Variants in HAUS2 observed in about 807,000 individuals in gnomAD.
HAUS2 encodes the protein HAUS augmin-like complex subunit 2.
HAUS2 carries 20 observed loss-of-function variants against 21.6 expected under a neutral mutation model. The observed-to-expected ratio is 0.93, with a 90% CI of 0.65 to 1.35. The LOEUF (loss-of-function observed/expected upper bound fraction) is 1.35, where lower values mean the gene tolerates loss of function less well. Ranked by LOEUF, HAUS2 falls within the 40% of genes most tolerant of loss-of-function variation. The pLI is 0.00. For missense variants in HAUS2, 297 were observed against 280.7 expected (o/e 1.06, Z -0.42); for synonymous variants, 113 against 95.6 (o/e 1.18, Z -1.06).
intron 1 of HAUS2, among the ~76,000 whole-genome samples, chr15:42,550,891 T>A (rs2141589136): frequency 6.6e-6 from 1 of 152,116 alleles, no homozygotes; most frequent in African/African-American, 2.4e-5. Flanking sequence ...ATGGTCTCGA[T>A]CTCCTGACCT....
chr15:42,553,286 A>G (rs2057743107), intron 1 of HAUS2, among the ~76,000 whole-genome samples: 1 of 152,086 alleles, frequency 6.6e-6, no homozygotes, highest in Non-Finnish European at 1.5e-5. Flanking sequence ...TATTAAGTAT[A>G]AAGGTTCTGG....
intron 5 of HAUS2, among the ~76,000 whole-genome samples, chr15:42,565,706 C>G (rs1181636321): frequency 6.6e-6 from 1 of 151,970 alleles, no homozygotes; most frequent in Admixed American, 6.6e-5. Flanking sequence ...GGCAGAGAAA[C>G]CAAAGGCAGA....
intron 4 of HAUS2, among the ~76,000 whole-genome samples, chr15:42,562,289 T>G (rs1274341815): frequency 6.6e-6 from 1 of 152,158 alleles, no homozygotes; most frequent in African/African-American, 2.4e-5. Context: ...ATACAAAAAC[T>G]TATTCTTCCA....
chr15:42,550,889 G>C (rs527637460), intron 1 of HAUS2, among the ~76,000 whole-genome samples: 3 of 151,926 alleles, frequency 2.0e-5, no homozygotes, highest in Admixed American at 1.3e-4. Flanking sequence ...GGATGGTCTC[G>C]ATCTCCTGAC....
chr15:42,552,816 C>T (rs1319843159), intron 1 of HAUS2, among the ~76,000 whole-genome samples: 1 of 152,108 alleles, frequency 6.6e-6, no homozygotes, highest in Non-Finnish European at 1.5e-5. Flanking sequence ...TCCTCTATAC[C>T]TCTTCTCCCA....
rs769888858 is a variant in HAUS2, at chr15:42,548,884, C to A, written c.12C>A (p.Ala4=). The change falls in exon 1 of 6, where the codon GCC becomes GCA. Residue 4 remains alanine, a synonymous_variant. Coordinates refer to ENST00000260372, the MANE Select transcript of HAUS2 (RefSeq NM_018097.3). MAA[A]NPWDPASAPN... Reference sequence around the variant, plus strand: ...GGTGCGTCCGAGCCATGGCCGCTGCCAACCCGTGGGACCCGGCGTCCGCGC... The same window carrying A: ...GGTGCGTCCGAGCCATGGCCGCTGCAAACCCGTGGGACCCGGCGTCCGCGC... 6.5e-7 allele frequency: 1 copy of A among 1,550,048 alleles called. No homozygotes were observed. The highest frequency in any genetic ancestry group is 2.4e-5 in the East Asian group (1 of 40,994).
intron 1 of HAUS2, among the ~76,000 whole-genome samples, chr15:42,556,668 T>C (rs1202869794): frequency 6.6e-6 from 1 of 152,126 alleles, no homozygotes; most frequent in Non-Finnish European, 1.5e-5. Context: ...GCTGCATTTA[T>C]TTCATGGACT....
Position 42,558,310 on chromosome 15 carries a change from C to CTTTAT in HAUS2, c.186+23_186+24insATTTT. 1 of 590,184 alleles carries CTTTAT rather than the reference C, an allele frequency of 1.7e-6. No homozygotes were observed. The highest frequency in any genetic ancestry group is 2.8e-6 in the Non-Finnish European group (1 of 356,076). The allele number at this position is 590,184 out of a possible 1,614,324, so 36.6% of individuals were successfully genotyped here. ...TACCAGGTAAATCATTTTGTTTTCA[C>CTTTAT]TTTCTTTTTTTTTTTTTTTTTTTTT... On this transcript the variant is annotated intron_variant, in intron 2 of 5. Coordinates refer to ENST00000260372, the MANE Select transcript of HAUS2 (RefSeq NM_018097.3).
At chr15:42,552,985 AT>A (rs34872260) in intron 1 of HAUS2, among the ~76,000 whole-genome samples, 21,437 of 136,960 alleles carry the variant, frequency 0.16, 1,518 homozygotes, top group African/African-American at 0.22. Context: ...TGTTACCAGG[AT>A]TTTTTTTTTT....
rs10710908 is a variant in HAUS2 at position 42,568,015 on chromosome 15, TAAAA to T, written c.*1212_*1215del. 2.1e-5 allele frequency: 3 copies of T among 143,002 alleles called. No individual in the cohort carries two copies. Among genetic ancestry groups the T allele is most frequent in the African/African-American group, 2.6e-5 (1 of 38,846 alleles). The allele number at this position is 143,002 out of a possible 1,614,324, so 8.9% of individuals were successfully genotyped here. On this transcript the variant is annotated 3_prime_UTR_variant, in exon 6 of 6. Coordinates refer to ENST00000260372, the MANE Select transcript of HAUS2 (RefSeq NM_018097.3). ...TGGGCAACAGAGCAAGACTCTGTCT[TAAAA>T]AAAAAAAAAAAAGGTGTTTCTGAAT...
intron 2 of HAUS2, among the ~76,000 whole-genome samples, 199 bp from the exon 3 acceptor site, chr15:42,559,136 CTTTT>C (rs370146156): frequency 1.4e-5 from 2 of 138,322 alleles, no homozygotes; most frequent in African/African-American, 5.3e-5. Flanking sequence ...CCCCTGGACT[CTTTT>C]TTTTTTTTTT....
At position 42,566,807 on chromosome 15, in the gene HAUS2, T is replaced by G; in HGVS notation, c.699T>G (p.Asn233Lys). ...FTSKVHVQTI[N>K]AK Reference sequence around the variant, plus strand: ...CTAAAGTTCATGTCCAAACTATTAATGCCAAGTAGTCATCAACTTTATTTT... The same window carrying G: ...CTAAAGTTCATGTCCAAACTATTAAGGCCAAGTAGTCATCAACTTTATTTT... Residue 233 changes from asparagine to lysine, a missense_variant, in exon 6 of 6, where the codon AAT (asparagine) becomes AAG (lysine). By Grantham distance (94) the Asn-to-Lys change is moderately conservative. Coordinates refer to ENST00000260372, the MANE Select transcript of HAUS2 (RefSeq NM_018097.3). The G allele has an allele frequency of 6.8e-7, 1 of 1,470,034 alleles. No individual in the cohort carries two copies. The highest frequency in any genetic ancestry group is 9.5e-7 in the Non-Finnish European group (1 of 1,049,578). The allele number at this position is 1,470,034 out of a possible 1,614,324, so 91.1% of individuals were successfully genotyped here.
rs1412498374 is a variant in HAUS2 at position 42,568,225 on chromosome 15, C to T, written c.*1409C>T. 6.6e-6 allele frequency: 1 copy of T among 152,168 alleles called. No homozygotes were observed. Among genetic ancestry groups the T allele is most frequent in the African/African-American group, 2.4e-5 (1 of 41,432 alleles). 9.4% of individuals were successfully genotyped at this position (152,168 alleles called of 1,614,324 possible). On this transcript the variant is annotated 3_prime_UTR_variant, in exon 6 of 6. Transcript: ENST00000260372. ...ATATCAGAAGGTATCTTAGTCTGTT[C>T]TGCTGTCATAACAGAATTACACAAA... is the stretch of plus-strand genomic sequence containing the variant.
intron 3 of HAUS2, 142 bp downstream of exon 3, chr15:42,559,550 A>G (rs921806295): frequency 1.5e-5 from 9 of 617,862 alleles, no homozygotes; most frequent in South Asian, 3.9e-5. Context: ...TTGTATTTCT[A>G]TGCTGAAATA....
intron 1 of HAUS2, among the ~76,000 whole-genome samples, chr15:42,550,323 GAT>G (rs1365162395): frequency 1.4e-5 from 2 of 147,170 alleles, no homozygotes. Context: ...CATGATGGAA[GAT>G]TTACGGAAAA....
At chr15:42,566,322 A>C (rs2057906536) in intron 5 of HAUS2, among the ~76,000 whole-genome samples, 1 of 152,216 alleles carries the variant, frequency 6.6e-6, no homozygotes, top group Admixed American at 6.5e-5. Context: ...ACATCCAGAT[A>C]GAGATTACCA....
intron 4 of HAUS2, among the ~76,000 whole-genome samples, chr15:42,562,478 C>G (rs751936905): frequency 3.9e-5 from 6 of 152,156 alleles, no homozygotes; most frequent in Non-Finnish European, 8.8e-5. Context: ...GCCTGTAATA[C>G]CAGCTACTGG....
At chr15:42,563,285 G>A (rs1463013480) in intron 4 of HAUS2, among the ~76,000 whole-genome samples, 2 of 151,072 alleles carry the variant, frequency 1.3e-5, no homozygotes. Context: ...GGTGGTGGGC[G>A]CCTGTAATCC....
intron 1 of HAUS2, among the ~76,000 whole-genome samples, chr15:42,549,387 G>T (rs758614904): frequency 2.0e-5 from 3 of 152,002 alleles, no homozygotes; most frequent in Non-Finnish European, 4.4e-5. Flanking sequence ...GGGGCGGGAG[G>T]TGCTGGGTAG....
Sources: gnomAD v4.1 joint callset for allele counts (sites outside exome capture counted in the v4.1 genomes callset) on GRCh38, gnomAD v4.1.1 for gene constraint, MANE v1.5 for transcripts, NCBI Gene and HGNC (gene_info 2026-07-23, HGNC 2026-07-21) for gene names.